The following FBXW7 variants were observed in gnomAD, a reference collection of about 807,000 sequenced individuals.
The protein encoded by FBXW7 is F-box/WD repeat-containing protein 7.
FBXW7 carries 11 observed loss-of-function variants against 86.3 expected under a neutral mutation model. That is an observed-to-expected ratio of 0.13 (90% CI 0.08 to 0.21). The LOEUF is 0.21. FBXW7 is among the 10% of genes least tolerant of loss of function. The pLI is 1.00. For missense variants in FBXW7, 488 were observed against 847.4 expected (o/e 0.58, Z 5.27); for synonymous variants, 313 against 297.9 (o/e 1.05, Z -0.52).
intron 4 of FBXW7, among the ~76,000 whole-genome samples, chr4:152,380,174 T>C (rs558636412): frequency 1.3e-5 from 2 of 152,204 alleles, no homozygotes; most frequent in South Asian, 4.1e-4. Flanking sequence ...GCAATCTGCT[T>C]GAAAGAAAGT....
intron 4 of FBXW7, chr4:152,352,653 A>C (rs145140263): frequency 8.1e-6 from 13 of 1,613,924 alleles, no homozygotes; most frequent in African/African-American, 1.3e-5. Flanking sequence ...AAGGAAGATT[A>C]GGGAGCAGAA....
intron 2 of FBXW7, among the ~76,000 whole-genome samples, chr4:152,468,336 C>T (rs922267032): frequency 2.0e-5 from 3 of 151,936 alleles, no homozygotes; most frequent in Non-Finnish European, 2.9e-5. Context: ...CACAGAAAAG[C>T]GCTCCTAATA....
chr4:152,451,783 CAAAAAAAAAAAAG>C (rs1741932295), intron 2 of FBXW7: 1 of 113,484 alleles, frequency 8.8e-6, no homozygotes, highest in African/African-American at 3.2e-5. Flanking sequence ...GACCCTGTCT[CAAAAAAAAAAAAG>C]AAAAAAAAAG....
chr4:152,357,310 A>C (rs967833369), intron 4 of FBXW7, among the ~76,000 whole-genome samples: 3 of 151,836 alleles, frequency 2.0e-5, no homozygotes, highest in African/African-American at 4.8e-5. Context: ...ATAATTACAG[A>C]AGTAGTAGTT....
chr4:152,474,915 T>G (rs1443058123), intron 2 of FBXW7, among the ~76,000 whole-genome samples: 1 of 151,974 alleles, frequency 6.6e-6, no homozygotes, highest in African/African-American at 2.4e-5. Flanking sequence ...CCGCCCGTCT[T>G]GGCCTCCCAA....
intron 4 of FBXW7, among the ~76,000 whole-genome samples, chr4:152,409,261 G>A (rs1044769777): frequency 3.9e-5 from 6 of 152,062 alleles, no homozygotes; most frequent in African/African-American, 1.2e-4. Flanking sequence ...TTTAAAATGG[G>A]ATTTCATTTC....
chr4:152,384,735 T>C (rs78520069), intron 4 of FBXW7, among the ~76,000 whole-genome samples: 2,081 of 152,052 alleles, frequency 0.014, 26 homozygotes, highest in Middle Eastern at 0.037. Context: ...AAGTAAATGA[T>C]TGAAAATGGA....
intron 4 of FBXW7, among the ~76,000 whole-genome samples, chr4:152,390,188 T>C (rs567504426): frequency 5.9e-4 from 90 of 152,076 alleles, no homozygotes; most frequent in South Asian, 1.4e-3. Flanking sequence ...TTTTTTTTAA[T>C]GAGTAAACTT....
intron 2 of FBXW7, among the ~76,000 whole-genome samples, chr4:152,453,505 A>G (rs1742102311): frequency 6.6e-6 from 1 of 152,118 alleles, no homozygotes; most frequent in South Asian, 2.1e-4. Context: ...GCAGCCATAC[A>G]AAAACGGGCT....
chr4:152,455,630 C>T (rs75613356), intron 2 of FBXW7, among the ~76,000 whole-genome samples: 3,991 of 152,260 alleles, frequency 0.026, 76 homozygotes, highest in South Asian at 0.055. Flanking sequence ...CCACTTTCAC[C>T]TTTTTAGGTA....
intron 2 of FBXW7, among the ~76,000 whole-genome samples, chr4:152,421,925 TC>T (rs2126918781): frequency 6.6e-6 from 1 of 152,176 alleles, no homozygotes; most frequent in South Asian, 2.1e-4. Flanking sequence ...ATAAAAGAGA[TC>T]GCTGATCATA....
intron 11 of FBXW7, 106 bp from the exon 12 acceptor site, chr4:152,326,337 T>A (rs1729016431): frequency 1.1e-5 from 5 of 451,388 alleles, no homozygotes; most frequent in East Asian, 1.1e-4. Context: ...TTTTTAGCTT[T>A]TTTTTTTTTT....
chr4:152,326,336 T>C, intron 11 of FBXW7, 105 bp from the exon 12 acceptor site: 4 of 246,612 alleles, frequency 1.6e-5, no homozygotes, highest in Non-Finnish European at 2.7e-5. Context: ...TTTTTTAGCT[T>C]TTTTTTTTTT....
intron 2 of FBXW7, among the ~76,000 whole-genome samples, chr4:152,421,287 G>T (rs1738916045): frequency 1.3e-5 from 2 of 152,106 alleles, no homozygotes; most frequent in Admixed American, 1.3e-4. Context: ...TTTGTTTAAG[G>T]GAATGTTATG....
chr4:152,334,078 A>T (rs1729837334), intron 7 of FBXW7, among the ~76,000 whole-genome samples: 1 of 152,082 alleles, frequency 6.6e-6, no homozygotes, highest in Admixed American at 6.6e-5. Context: ...CAACAACAAC[A>T]ACAACTCATC....
intron 2 of FBXW7, among the ~76,000 whole-genome samples, chr4:152,430,016 G>T (rs1739748658): frequency 6.6e-6 from 1 of 152,138 alleles, no homozygotes; most frequent in Non-Finnish European, 1.5e-5. Flanking sequence ...AATTTTGCCT[G>T]TGCAAGAGGA....
chr4:152,477,830 T>C (rs1461211998), intron 2 of FBXW7, among the ~76,000 whole-genome samples: 1 of 152,146 alleles, frequency 6.6e-6, no homozygotes, highest in Non-Finnish European at 1.5e-5. Flanking sequence ...ATTTAAATTG[T>C]TGACTCTGTA....
At chr4:152,492,073 C>T (rs1340370416) in intron 2 of FBXW7, among the ~76,000 whole-genome samples, 1 of 152,102 alleles carries the variant, frequency 6.6e-6, no homozygotes, top group Non-Finnish European at 1.5e-5. Context: ...CAAAAGGCAA[C>T]CTTTGTTCTG....
At chr4:152,512,052 T>C (rs966232302) in intron 2 of FBXW7, among the ~76,000 whole-genome samples, 1 of 152,166 alleles carries the variant, frequency 6.6e-6, no homozygotes, top group Non-Finnish European at 1.5e-5. Context: ...TTAAGGTTTT[T>C]GTTCACATTA....
Sources: gnomAD v4.1 joint callset for allele counts (sites outside exome capture counted in the v4.1 genomes callset) on GRCh38, gnomAD v4.1.1 for gene constraint, MANE v1.5 for transcripts, NCBI Gene and HGNC (gene_info 2026-07-23, HGNC 2026-07-21) for gene names.